FLACC1: variants seen among roughly 807,000 people sequenced by gnomAD.
The protein encoded by FLACC1 is flagellum associated containing coiled-coil domains 1, also known as flagellum-associated coiled-coil domain-containing protein 1.
A neutral mutation model predicts 62.8 loss-of-function variants in FLACC1; 66 were observed. That is an observed-to-expected ratio of 1.05 (90% CI 0.86 to 1.29). The LOEUF (loss-of-function observed/expected upper bound fraction) is 1.29, where lower values mean the gene tolerates loss of function less well. FLACC1 is among the 50% of genes most tolerant of loss of function. The probability of loss-of-function intolerance (pLI) is 0.00; values close to 1 mark genes in which losing one functional copy is unlikely to be tolerated. For synonymous variants in FLACC1, 156 were observed against 161.0 expected (o/e 0.97, Z 0.24); for missense variants, 452 against 489.1 (o/e 0.92, Z 0.71).
chr2:201,310,671 T>C (rs1950201081), intron 9 of FLACC1, among the ~76,000 whole-genome samples: 1 of 152,192 alleles, frequency 6.6e-6, no homozygotes, highest in African/African-American at 2.4e-5. Context: ...CTTGTGGCAG[T>C]GCAGAGTGAT....
intron 9 of FLACC1, among the ~76,000 whole-genome samples, chr2:201,329,859 A>C (rs1950557925): frequency 6.6e-6 from 1 of 152,200 alleles, no homozygotes; most frequent in South Asian, 2.1e-4. Flanking sequence ...GTATCCCCTG[A>C]ATCTAAAATG....
intron 9 of FLACC1, among the ~76,000 whole-genome samples, chr2:201,324,038 G>A (rs140641960): frequency 2.0e-4 from 30 of 151,982 alleles, no homozygotes; most frequent in South Asian, 6.2e-4. Context: ...TGGCCTAAAC[G>A]CTCCACTTAA....
rs371873943 is a variant in FLACC1 at position 201,289,878 on chromosome 2, A to T, written c.943-93T>A. 1.9e-6 allele frequency: 3 copies of T among 1,600,178 alleles called. No individual in the cohort carries two copies. In the African/African-American group the frequency reaches 4.0e-5, roughly 21 times the overall value. ...ACCTGGACTATGATGAAAGGGAGCA[A>T]CCTGAGCTACTTTTGCATCACTCAT... On this transcript the variant is annotated intron_variant, in intron 12 of 14. Transcript: ENST00000392257.
chr2:201,307,396 TG>T, intron 11 of FLACC1, 122 bp downstream of exon 11: 1 of 730,234 alleles, frequency 1.4e-6, no homozygotes, highest in Non-Finnish European at 2.4e-6. Context: ...TCCAGAAAGC[TG>T]GGAGAGGAGG....
Position 201,346,514 on chromosome 2 carries a change from C to T in FLACC1, c.368+28G>A. ...TGAGCTGGGTGGGAGTAGCCCCAAG[C>T]AGCTGCATGTTGCTGCAACAGCATT... On this transcript the variant is annotated intron_variant, in intron 5 of 14. Transcript: ENST00000392257. The surrounding 1 kb of genome is among the most constrained non-coding windows in gnomAD (Gnocchi z 4.0). The T allele has an allele frequency of 1.2e-6, 2 of 1,611,292 alleles. No individual in the cohort carries two copies. The highest frequency in any genetic ancestry group is 1.7e-6 in the Non-Finnish European group (2 of 1,179,678).
At chr2:201,300,933 C>T (rs1167684687) in intron 11 of FLACC1, among the ~76,000 whole-genome samples, 1 of 152,092 alleles carries the variant, frequency 6.6e-6, no homozygotes, top group Non-Finnish European at 1.5e-5. Flanking sequence ...ACATCACCAT[C>T]ATCAAACACC....
At chr2:201,295,029 A>G (rs1451711559) in intron 12 of FLACC1, among the ~76,000 whole-genome samples, 2 of 152,218 alleles carry the variant, frequency 1.3e-5, no homozygotes, top group Non-Finnish European at 2.9e-5. Context: ...AAACAAATGG[A>G]AGAACATTCC....
At chr2:201,291,209 A>C (rs1270020125) in intron 12 of FLACC1, among the ~76,000 whole-genome samples, 2 of 152,200 alleles carry the variant, frequency 1.3e-5, no homozygotes, top group Non-Finnish European at 2.9e-5. Context: ...TTGAGATCTG[A>C]GAATGGACAG....
intron 12 of FLACC1, among the ~76,000 whole-genome samples, chr2:201,296,310 T>C (rs13029511): frequency 0.6 from 90,414 of 151,530 alleles, 27,278 homozygotes; most frequent in South Asian, 0.76. Flanking sequence ...GGCACATATA[T>C]ACCATGGAAT....
intron 7 of FLACC1, among the ~76,000 whole-genome samples, chr2:201,341,333 C>A (rs1950804021): frequency 2.0e-5 from 3 of 151,130 alleles, no homozygotes; most frequent in Admixed American, 6.6e-5. Flanking sequence ...TAAGAAAACT[C>A]CTTTAAAAAT....
chr2:201,291,647 T>G (rs1280641364), intron 12 of FLACC1, among the ~76,000 whole-genome samples: 1 of 152,172 alleles, frequency 6.6e-6, no homozygotes, highest in Non-Finnish European at 1.5e-5. Context: ...ATGCAGCTCC[T>G]CGCCAGCAAC....
chr2:201,300,185 C>T (rs185364036), intron 11 of FLACC1, among the ~76,000 whole-genome samples: 32 of 152,292 alleles, frequency 2.1e-4, no homozygotes, highest in East Asian at 5.8e-4. Flanking sequence ...CAAGGGAAGC[C>T]GTGACAGACG....
upstream of FLACC1, among the ~76,000 whole-genome samples, chr2:201,360,680 G>A (rs537150307): frequency 2.8e-4 from 43 of 152,342 alleles, no homozygotes; most frequent in African/African-American, 1.0e-3. Flanking sequence ...AAAGCCTGTA[G>A]TGCTACCCTT....
At chr2:201,340,859 G>A (rs1950794282) in intron 7 of FLACC1, among the ~76,000 whole-genome samples, 1 of 152,134 alleles carries the variant, frequency 6.6e-6, no homozygotes. Flanking sequence ...CCTCAACTGG[G>A]GAAGACAGCT....
chr2:201,320,282 C>T (rs767942860), intron 9 of FLACC1, among the ~76,000 whole-genome samples: 4 of 152,230 alleles, frequency 2.6e-5, no homozygotes, highest in Non-Finnish European at 4.4e-5. Context: ...ACTCCCTTGG[C>T]CAGGGCCAGG....
chr2:201,347,734 A>C (rs1395863708), intron 4 of FLACC1, among the ~76,000 whole-genome samples: 1 of 152,124 alleles, frequency 6.6e-6, no homozygotes, highest in East Asian at 1.9e-4. Context: ...CTGAAATGTA[A>C]CTCTTACTTG....
intron 9 of FLACC1, among the ~76,000 whole-genome samples, chr2:201,325,557 T>C (rs1950486448): frequency 6.6e-6 from 1 of 151,780 alleles, no homozygotes; most frequent in Admixed American, 6.6e-5. Context: ...GCATACAAAC[T>C]GGAAAACCTA....
chr2:201,349,437 T>C (rs2125621696), intron 3 of FLACC1, among the ~76,000 whole-genome samples: 1 of 152,306 alleles, frequency 6.6e-6, no homozygotes, highest in African/African-American at 2.4e-5. Flanking sequence ...TTTTTCTATG[T>C]AGCACTTGCC....
At chr2:201,344,127 T>A in intron 6 of FLACC1, 43 bp downstream of exon 6, 1 of 1,518,324 alleles carries the variant, frequency 6.6e-7, no homozygotes, top group Non-Finnish European at 9.1e-7. Context: ...AATATTAATT[T>A]TATTTTGTCC....
Sources: allele counts gnomAD v4.1 joint callset (sites outside exome capture counted in the v4.1 genomes callset), GRCh38; gene constraint gnomAD v4.1.1; non-coding constraint Gnocchi (gnomAD v3.1); transcripts MANE v1.5; gene names NCBI Gene and HGNC (gene_info 2026-07-23, HGNC 2026-07-21).